HECW2: variants seen among roughly 807,000 people sequenced by gnomAD.
HECW2 encodes the protein E3 ubiquitin-protein ligase HECW2.
A neutral mutation model predicts 175.2 loss-of-function variants in HECW2; 61 were observed. The ratio of observed to expected loss-of-function variants is 0.35; its 90% CI spans 0.28 to 0.43. The LOEUF (loss-of-function observed/expected upper bound fraction) is 0.43, where lower values mean the gene tolerates loss of function less well. HECW2 is among the 20% of genes least tolerant of loss of function. The pLI, the probability that HECW2 is intolerant of heterozygous loss-of-function variation, is 1.00. For synonymous variants in HECW2, 671 were observed against 731.0 expected (o/e 0.92, Z 1.32); for missense variants, 1,524 against 2,000.5 (o/e 0.76, Z 4.54).
intron 26 of HECW2, 93 bp from the exon 27 acceptor site, chr2:196,217,186 A>ATCCTCT: frequency 1.2e-6 from 1 of 800,082 alleles, no homozygotes; most frequent in East Asian, 2.7e-5. Flanking sequence ...GACATAAATC[A>ATCCTCT]TCCTCTTGAA....
rs531426006 is a variant in HECW2, at chr2:196,580,383, A to G, written c.-36+13125T>C. Among the ~76,000 whole-genome samples, 5 of 152,330 alleles carry G rather than the reference A, an allele frequency of 3.3e-5. No individual in the cohort carries two copies. In the South Asian group the frequency reaches 1.0e-3, roughly 32 times the overall value. Reference sequence around the variant, plus strand: ...TCTGCTTCAAAAGACACTATCAATAAAGTGAAAAAACAATCTACAAAACAG... The same window carrying G: ...TCTGCTTCAAAAGACACTATCAATAGAGTGAAAAAACAATCTACAAAACAG... On this transcript the variant is annotated intron_variant, in intron 1 of 28. Coordinates refer to ENST00000644978, the MANE Select transcript of HECW2 (RefSeq NM_001348768.2).
intron 1 of HECW2, among the ~76,000 whole-genome samples, chr2:196,558,835 G>A (rs953655312): frequency 6.6e-6 from 1 of 152,192 alleles, no homozygotes; most frequent in Non-Finnish European, 1.5e-5. Flanking sequence ...AAAACTATCA[G>A]AAGCTACTTA....
intron 1 of HECW2, among the ~76,000 whole-genome samples, chr2:196,503,729 G>A (rs548892246): frequency 6.6e-6 from 1 of 152,324 alleles, no homozygotes; most frequent in East Asian, 1.9e-4. Flanking sequence ...AGCAACTGAT[G>A]TTTATTAAGA....
At chr2:196,396,020 G>T (rs1477810427) in intron 2 of HECW2, among the ~76,000 whole-genome samples, 1 of 152,048 alleles carries the variant, frequency 6.6e-6, no homozygotes, top group Non-Finnish European at 1.5e-5. Flanking sequence ...TACACACAAT[G>T]GAACATGATC....
At chr2:196,209,365 T>C (rs1357736146) in intron 28 of HECW2, among the ~76,000 whole-genome samples, 1 of 151,822 alleles carries the variant, frequency 6.6e-6, no homozygotes, top group East Asian at 1.9e-4. Flanking sequence ...TTTACCCACC[T>C]CCCAAAGTAA....
intron 10 of HECW2, 129 bp downstream of exon 10, chr2:196,317,145 A>G: frequency 1.4e-6 from 1 of 698,764 alleles, no homozygotes; most frequent in Middle Eastern, 3.6e-4. Flanking sequence ...CTGCTATGTC[A>G]AGTGGCAACC....
At chr2:196,381,323 G>A (rs1694201028) in intron 2 of HECW2, among the ~76,000 whole-genome samples, 1 of 152,022 alleles carries the variant, frequency 6.6e-6, no homozygotes, top group Non-Finnish European at 1.5e-5. Flanking sequence ...CTAACCATGT[G>A]GACTATGATA....
At chr2:196,512,309 C>T (rs1687978087) in intron 1 of HECW2, among the ~76,000 whole-genome samples, 1 of 152,192 alleles carries the variant, frequency 6.6e-6, no homozygotes, top group Non-Finnish European at 1.5e-5. Context: ...AAATTTGTGA[C>T]CCACCACTTT....
intron 3 of HECW2, among the ~76,000 whole-genome samples, chr2:196,335,393 A>T (rs1692514697): frequency 6.6e-6 from 1 of 152,188 alleles, no homozygotes; most frequent in East Asian, 1.9e-4. Context: ...TGCGAGATGC[A>T]TTTCTCCCAA....
At chr2:196,384,764 C>T (rs962595587) in intron 2 of HECW2, among the ~76,000 whole-genome samples, 7 of 152,162 alleles carry the variant, frequency 4.6e-5, no homozygotes, top group Non-Finnish European at 7.4e-5. Context: ...CACTAGGCTG[C>T]CAATTGATTA....
intron 2 of HECW2, among the ~76,000 whole-genome samples, chr2:196,375,175 GA>G (rs1203420582): frequency 7.6e-6 from 1 of 131,102 alleles, no homozygotes; most frequent in Admixed American, 7.1e-5. Flanking sequence ...AAAAAAGAAA[GA>G]AAAAAAAGAA....
chr2:196,462,586 CT>C (rs1696789765), intron 1 of HECW2, among the ~76,000 whole-genome samples: 1 of 152,060 alleles, frequency 6.6e-6, no homozygotes, highest in Non-Finnish European at 1.5e-5. Flanking sequence ...ATTAACAGGT[CT>C]TCCTTTAAGC....
chr2:196,350,774 C>A (rs776089844), intron 2 of HECW2, among the ~76,000 whole-genome samples: 1 of 148,232 alleles, frequency 6.7e-6, no homozygotes, highest in Non-Finnish European at 1.5e-5. Context: ...TAATGCAATG[C>A]GAAAATTACT....
intron 14 of HECW2, among the ~76,000 whole-genome samples, chr2:196,286,387 C>CATATATATATAT (rs201658582): frequency 2.0e-4 from 28 of 137,596 alleles, no homozygotes; most frequent in African/African-American, 6.2e-4. Flanking sequence ...AGATGGAGGT[C>CATATATATATAT]ATATATATAT....
chr2:196,440,634 C>G (rs779274004), intron 1 of HECW2, among the ~76,000 whole-genome samples: 2 of 152,104 alleles, frequency 1.3e-5, no homozygotes, highest in Non-Finnish European at 2.9e-5. Context: ...AACCTAAGAA[C>G]TCTCAATTTG....
rs1270209960 is a variant in HECW2 at position 196,506,545 on chromosome 2, G to A, written c.-35-73087C>T. Among the ~76,000 whole-genome samples, 17 of 151,894 alleles carry A rather than the reference G, an allele frequency of 1.1e-4. No individual in the cohort carries two copies. The East Asian group carries it at 2.7e-3, about 24-fold the overall frequency. ...CTAGCATGAGCATGCACCCACACAC[G>A]CACACATACACACTTATTTCATGGA... On this transcript the variant is annotated intron_variant, in intron 1 of 28. Coordinates refer to ENST00000644978, the MANE Select transcript of HECW2 (RefSeq NM_001348768.2).
At chr2:196,371,082 T>C (rs1693896243) in intron 2 of HECW2, among the ~76,000 whole-genome samples, 1 of 152,136 alleles carries the variant, frequency 6.6e-6, no homozygotes, top group African/African-American at 2.4e-5. Flanking sequence ...GGACAATCAG[T>C]GGAGGCTTCT....
intron 1 of HECW2, among the ~76,000 whole-genome samples, chr2:196,580,115 C>G (rs1690717020): frequency 6.6e-6 from 1 of 152,052 alleles, no homozygotes. Context: ...ATAAAAGGAT[C>G]AATTGAAAAG....
At chr2:196,253,083 T>TTAA in intron 19 of HECW2, among the ~76,000 whole-genome samples, 1 of 152,264 alleles carries the variant, frequency 6.6e-6, no homozygotes, top group East Asian at 1.9e-4. Context: ...AATGAACATA[T>TTAA]TAATACATCT....
Sources: allele counts gnomAD v4.1 joint callset (sites outside exome capture counted in the v4.1 genomes callset), GRCh38; gene constraint gnomAD v4.1.1; transcripts MANE v1.5; gene names NCBI Gene and HGNC (gene_info 2026-07-23, HGNC 2026-07-21).